Variants in CYBA observed in about 807,000 individuals in gnomAD.
The protein encoded by CYBA is cytochrome b-245 light chain.
A neutral mutation model predicts 20.8 loss-of-function variants in CYBA; 21 were observed. That is an observed-to-expected ratio of 1.01 (90% CI 0.72 to 1.46). The LOEUF is 1.46. Among genes scored for constraint, CYBA ranks in the 40% most tolerant of loss-of-function variants. The probability of loss-of-function intolerance (pLI) is 0.00; values close to 1 mark genes in which losing one functional copy is unlikely to be tolerated. For synonymous variants in CYBA, 164 were observed against 127.5 expected, an observed-to-expected ratio of 1.29 and a Z score of -1.93; for missense variants, 344 against 287.0, an observed-to-expected ratio of 1.20 and a Z score of -1.43.
chr16:88,643,674 G>T lies in CYBA; in HGVS notation c.370-103C>A. The T allele has an allele frequency of 9.2e-7, 1 of 1,081,344 alleles. No homozygotes were observed. The highest frequency in any genetic ancestry group is 1.3e-6 in the Non-Finnish European group (1 of 754,662). The allele number at this position is 1,081,344 out of a possible 1,614,324, so 67.0% of individuals were successfully genotyped here. A position where few individuals can be genotyped will look rare whatever the true frequency, so the allele number is the denominator to read the frequency against. On this transcript the variant is annotated intron_variant, in intron 5 of 5. Coordinates refer to ENST00000261623, the MANE Select transcript of CYBA (RefSeq NM_000101.4). This position sits in a 1 kb window ranked among gnomAD's most constrained non-coding sequence, Gnocchi z 4.3. Reference sequence around the variant, plus strand: ...GCTAGGGGCCCTGGGACAGGCTCAAGTCTGAATCCCACGCAGGATGGTGTG... The same window carrying T: ...GCTAGGGGCCCTGGGACAGGCTCAATTCTGAATCCCACGCAGGATGGTGTG...
rs1195077936 is a variant in CYBA at position 88,643,741 on chromosome 16, CA to C, written c.370-171del. On this transcript the variant is annotated intron_variant, in intron 5 of 5. Transcript: ENST00000261623. This position sits in a 1 kb window ranked among gnomAD's most constrained non-coding sequence, Gnocchi z 4.3. ...GTTAAGTGACGCGCCCGAGGCCACA[CA>C]GCCAGGACCTGGGTCGGCCTGACAC... Among the ~76,000 whole-genome samples the C allele has an allele frequency of 6.6e-6, 1 of 152,206 alleles. No homozygotes were observed. The highest frequency in any genetic ancestry group is 1.5e-5 in the Non-Finnish European group (1 of 68,044).
chr16:88,649,216 T>G (rs187537866), intron 1 of CYBA, among the ~76,000 whole-genome samples: 1 of 152,180 alleles, frequency 6.6e-6, no homozygotes, highest in African/African-American at 2.4e-5. Context: ...GGATTACAGG[T>G]GTAGCCACCT....
intron 5 of CYBA, among the ~76,000 whole-genome samples, chr16:88,644,109 C>A (rs531746348): frequency 2.2e-4 from 34 of 152,314 alleles, no homozygotes; most frequent in Middle Eastern, 3.4e-3. Context: ...GGGCCCATGC[C>A]CGGAGGTTCC....
intron 5 of CYBA, among the ~76,000 whole-genome samples, chr16:88,644,087 A>T (rs1307361638): frequency 2.0e-5 from 3 of 152,224 alleles, no homozygotes; most frequent in Non-Finnish European, 4.4e-5. Flanking sequence ...TTTACTAAAA[A>T]TACAGACTCC....
intron 3 of CYBA, 25 bp from the exon 4 acceptor site, chr16:88,646,863 G>A (rs575341053): frequency 2.5e-5 from 40 of 1,582,958 alleles, no homozygotes; most frequent in Admixed American, 5.0e-5. Flanking sequence ...AAGGCGAGAC[G>A]GCGCGGCTGG....
chr16:88,646,011 G>T, intron 5 of CYBA, 105 bp downstream of exon 5: 1 of 975,730 alleles, frequency 1.0e-6, no homozygotes, highest in Non-Finnish European at 1.6e-6. Context: ...CCCAGCCTTG[G>T]CTCAGCCTAC....
rs1207976536 is a variant in CYBA at position 88,643,402 on chromosome 16, G to A, written c.539C>T (p.Pro180Leu). ...EEAAVAAGGPPGGPQVNPIPV... is the reference protein window; with the variant it reads ...EEAAVAAGGPLGGPQVNPIPV... ...GATGGGGTTGACCTGGGGACCTCCC[G>A]GGGGTCCCCCCGCCGCCACCGCAGC... The change falls in exon 6 of 6, where the codon CCG (proline) becomes CTG (leucine). Residue 180 changes from proline to leucine, a missense_variant. Pro to Leu is a moderately conservative substitution (Grantham distance 98). Transcript: ENST00000261623. The surrounding 1 kb of genome is among the most constrained non-coding windows in gnomAD (Gnocchi z 4.3). The A allele has an allele frequency of 8.5e-6, 13 of 1,534,404 alleles. No homozygotes were observed. In the East Asian group the frequency reaches 1.0e-4, roughly 12 times the overall value.
chr16:88,647,072 G>C (rs748620311), intron 3 of CYBA, 29 bp downstream of exon 3: 13 of 1,598,426 alleles, frequency 8.1e-6, no homozygotes, highest in Non-Finnish European at 1.1e-5. Context: ...GCAGCCCCCG[G>C]AGAGACCCCA....
Position 88,643,611 on chromosome 16 carries a change from GCCCTCCCTCCCTCCCT to G in CYBA, c.370-56_370-41del, listed in dbSNP as rs751984921. On this transcript the variant is annotated intron_variant, in intron 5 of 5. Transcript: ENST00000261623. This position sits in a 1 kb window ranked among gnomAD's most constrained non-coding sequence, Gnocchi z 4.3. ...AGGGTTGAGCCGCGCCCCAGCGCCC[GCCCTCCCTCCCTCCCT>G]CCCTCCCCGGAGGCCCACCCCGCTA... 4.8e-6 allele frequency: 6 copies of G among 1,245,228 alleles called. No individual in the cohort carries two copies. The Admixed American group carries it at 8.8e-5, about 18-fold the overall frequency. The allele number at this position is 1,245,228 out of a possible 1,614,324, so 77.1% of individuals were successfully genotyped here.
intron 1 of CYBA, among the ~76,000 whole-genome samples, chr16:88,649,788 CT>C (rs1364655178): frequency 3.3e-5 from 5 of 152,210 alleles, no homozygotes; most frequent in Admixed American, 2.6e-4. Context: ...GGCTCTAACT[CT>C]TCGGGCCAGG....
intron 5 of CYBA, chr16:88,644,811 C>T (rs541079350): frequency 3.5e-5 from 10 of 289,742 alleles, no homozygotes; most frequent in East Asian, 3.3e-4. Flanking sequence ...GGCGATGGCG[C>T]GAGACTCCAT....
intron 5 of CYBA, chr16:88,645,365 A>G (rs948354167): frequency 2.8e-6 from 2 of 702,362 alleles, no homozygotes; most frequent in African/African-American, 1.7e-5. Flanking sequence ...TTTCCCACGC[A>G]CACACACTAG....
intron 1 of CYBA, among the ~76,000 whole-genome samples, chr16:88,649,489 C>T (rs931581680): frequency 9.8e-5 from 15 of 152,338 alleles, no homozygotes; most frequent in Admixed American, 2.0e-4. Flanking sequence ...TGGCACCCAG[C>T]CACATTTACA....
At chr16:88,648,650 C>T (rs1907381993) in intron 1 of CYBA, among the ~76,000 whole-genome samples, 1 of 149,450 alleles carries the variant, frequency 6.7e-6, no homozygotes, top group Non-Finnish European at 1.5e-5. Context: ...CGGAGTCTTG[C>T]TCTGTCACCC....
chr16:88,646,054 G>T (rs1441622723), intron 5 of CYBA, 62 bp downstream of exon 5: 11 of 1,378,984 alleles, frequency 8.0e-6, no homozygotes, highest in Non-Finnish European at 1.1e-5. Context: ...CGTGTCCGAG[G>T]GTGTCAGGGC....
chr16:88,647,088 G>A lies in CYBA; in HGVS notation c.203+13C>T, dbSNP rs1007563312. The A allele has an allele frequency of 6.2e-7, 1 of 1,608,094 alleles. No homozygotes were observed. The highest frequency in any genetic ancestry group is 1.7e-5 in the Admixed American group (1 of 59,824). On this transcript the variant is annotated intron_variant, in intron 3 of 5. Coordinates refer to ENST00000261623, the MANE Select transcript of CYBA (RefSeq NM_000101.4). ...CAGCCCCCGGAGAGACCCCAGAGCA[G>A]GAGGAGACTCACCAGCGCTCCATGG...
chr16:88,644,845 A>T (rs749567241), intron 5 of CYBA: 14 of 374,892 alleles, frequency 3.7e-5, no homozygotes, highest in South Asian at 2.5e-4. Context: ...GAAGAAAAAG[A>T]AAAATACAAA....
chr16:88,648,941 T>C (rs1302320870), intron 1 of CYBA, among the ~76,000 whole-genome samples: 1 of 145,396 alleles, frequency 6.9e-6, no homozygotes, highest in Non-Finnish European at 1.5e-5. Flanking sequence ...TTATTTCTTT[T>C]TTTTTTTTTT....
intron 5 of CYBA, 65 bp downstream of exon 5, chr16:88,646,051 G>A (rs879505561): frequency 1.0e-4 from 136 of 1,366,700 alleles, no homozygotes; most frequent in Non-Finnish European, 1.3e-4. Flanking sequence ...ATGCGTGTCC[G>A]AGGGTGTCAG....
Sources: allele counts gnomAD v4.1 joint callset (sites outside exome capture counted in the v4.1 genomes callset), GRCh38; gene constraint gnomAD v4.1.1; non-coding constraint Gnocchi (gnomAD v3.1); transcripts MANE v1.5; gene names NCBI Gene and HGNC (gene_info 2026-07-23, HGNC 2026-07-21).